Variants in SH3KBP1 observed in about 807,000 individuals in gnomAD.
SH3KBP1 encodes the protein SH3 domain containing kinase binding protein 1.
In SH3KBP1, 8 loss-of-function variants were observed where a neutral mutation model predicts 50.1. The ratio of observed to expected loss-of-function variants is 0.16; its 90% CI spans 0.09 to 0.29. SH3KBP1 has a LOEUF of 0.29. Among genes scored for constraint, SH3KBP1 ranks in the 10% least tolerant of loss-of-function variants. The probability of loss-of-function intolerance (pLI) is 1.00; values close to 1 mark genes in which losing one functional copy is unlikely to be tolerated. For synonymous variants in SH3KBP1, 227 were observed against 218.6 expected, an observed-to-expected ratio of 1.04 and a Z score of -0.34; for missense variants, 377 against 535.2, an observed-to-expected ratio of 0.70 and a Z score of 2.92.
At chrX:19,786,832 G>A (rs2066362295) in intron 2 of SH3KBP1, among the ~76,000 whole-genome samples, 1 of 111,671 alleles carries the variant, frequency 9.0e-6, no homozygotes, top group Non-Finnish European at 1.9e-5. Flanking sequence ...ATATTTGGAA[G>A]GTCCACAGCG....
intron 2 of SH3KBP1, among the ~76,000 whole-genome samples, chrX:19,816,871 C>G (rs977584089): frequency 9.0e-6 from 1 of 111,719 alleles, no homozygotes; most frequent in African/African-American, 3.3e-5. Flanking sequence ...AAATGTTTGC[C>G]TATGTTTAAT....
intron 1 of SH3KBP1, among the ~76,000 whole-genome samples, chrX:19,854,970 T>C (rs976173050): frequency 8.9e-6 from 1 of 111,871 alleles, no homozygotes; most frequent in Non-Finnish European, 1.9e-5. Flanking sequence ...AAGGAGTTGG[T>C]AAGCTTTTTC....
At chrX:19,675,272 G>C (rs2062899472) in intron 6 of SH3KBP1, among the ~76,000 whole-genome samples, 1 of 110,652 alleles carries the variant, frequency 9.0e-6, no homozygotes, top group African/African-American at 3.3e-5. Flanking sequence ...CAACCCTCTG[G>C]GGTAGATTCT....
chrX:19,678,355 T>G, intron 6 of SH3KBP1, among the ~76,000 whole-genome samples: 1 of 110,411 alleles, frequency 9.1e-6, no homozygotes, highest in East Asian at 2.8e-4. Context: ...GGAGGTTTTT[T>G]TTTTTTTTTA....
At chrX:19,786,668 C>T (rs1182897438) in intron 2 of SH3KBP1, among the ~76,000 whole-genome samples, 1 of 111,913 alleles carries the variant, frequency 8.9e-6, no homozygotes, top group East Asian at 2.8e-4. Context: ...CACAAACATC[C>T]CCACACAGAA....
rs564208446 is a variant in SH3KBP1, at chrX:19,841,808, G to A, written c.5-5526C>T. Among the ~76,000 whole-genome samples the A allele has an allele frequency of 6.3e-4, 66 of 104,443 alleles. 1 individual carries two copies. The South Asian group carries it at 0.027, about 43-fold the overall frequency. The allele number at this position is 104,443 out of a possible 115,157, so 90.7% of individuals were successfully genotyped here. A position where few individuals can be genotyped will look rare whatever the true frequency, so the allele number is the denominator to read the frequency against. ...ATGGCAGCATCAAGCCCAGGGCTAC[G>A]TTCTCCTAAATTATGGTCCACTGGA... is the stretch of plus-strand genomic sequence containing the variant. On this transcript the variant is annotated intron_variant, in intron 1 of 17. Coordinates refer to ENST00000397821, the MANE Select transcript of SH3KBP1 (RefSeq NM_031892.3).
chrX:19,771,077 A>T (rs923577082), intron 2 of SH3KBP1, among the ~76,000 whole-genome samples: 7 of 111,672 alleles, frequency 6.3e-5, no homozygotes, highest in Non-Finnish European at 1.1e-4. Context: ...CTTCTCCTAC[A>T]TTACTGTGAG....
chrX:19,800,197 C>A, intron 2 of SH3KBP1, among the ~76,000 whole-genome samples: 1 of 112,298 alleles, frequency 8.9e-6, no homozygotes, highest in South Asian at 3.7e-4. Context: ...TACATGTGGA[C>A]AAACCTCGCC....
chrX:19,556,895 C>T (rs771491774), intron 13 of SH3KBP1, among the ~76,000 whole-genome samples: 8 of 111,329 alleles, frequency 7.2e-5, no homozygotes, highest in Non-Finnish European at 1.3e-4. Flanking sequence ...TGATCTCATA[C>T]TCCTGGCCTC....
chrX:19,758,347 A>T (rs1320647301), intron 2 of SH3KBP1, among the ~76,000 whole-genome samples: 1 of 102,974 alleles, frequency 9.7e-6, no homozygotes, highest in East Asian at 2.8e-4. Context: ...AAAAAAAAAA[A>T]AAAAAGATTC....
intron 2 of SH3KBP1, among the ~76,000 whole-genome samples, chrX:19,806,458 C>T (rs977677655): frequency 1.8e-5 from 2 of 111,316 alleles, no homozygotes; most frequent in African/African-American, 6.5e-5. Flanking sequence ...GGAGGTTGCA[C>T]TGAGCCGAGT....
At chrX:19,679,894 T>C (rs932668440) in intron 6 of SH3KBP1, among the ~76,000 whole-genome samples, 2 of 112,459 alleles carry the variant, frequency 1.8e-5, no homozygotes, top group Non-Finnish European at 3.8e-5. Context: ...GAATCCTTCC[T>C]TATAGCCTGA....
intron 6 of SH3KBP1, among the ~76,000 whole-genome samples, chrX:19,657,716 G>C (rs914789180): frequency 9.2e-6 from 1 of 108,809 alleles, no homozygotes; most frequent in African/African-American, 3.4e-5. Flanking sequence ...AACAGAGCGA[G>C]ACTCCATCTA....
Position 19,800,023 on chromosome X carries a change from CAG to C in SH3KBP1, c.162+36100_162+36101del, listed in dbSNP as rs760237846. Among the ~76,000 whole-genome samples the C allele has an allele frequency of 4.5e-5, 5 of 111,787 alleles. No individual in the cohort carries two copies. The East Asian group carries it at 1.1e-3, about 25-fold the overall frequency. On this transcript the variant is annotated intron_variant, in intron 2 of 17. Transcript: ENST00000397821. ...CAGAGAGGAGAGAGCTGGAGAACCG[CAG>C]AGTCTGCAGTAACAGCAAAATGGAG... is the stretch of plus-strand genomic sequence containing the variant.
intron 3 of SH3KBP1, among the ~76,000 whole-genome samples, chrX:19,714,805 T>C (rs761633794): frequency 6.2e-5 from 7 of 112,344 alleles, no homozygotes; most frequent in African/African-American, 2.3e-4. Context: ...TTGAGAAAAC[T>C]GGGGAAATTT....
chrX:19,792,478 C>T (rs752878254), intron 2 of SH3KBP1, among the ~76,000 whole-genome samples: 1 of 110,798 alleles, frequency 9.0e-6, no homozygotes, highest in East Asian at 2.8e-4. Context: ...AAAATGTTGG[C>T]TATCTTATCC....
chrX:19,608,297 T>C (rs1249851284), intron 8 of SH3KBP1, among the ~76,000 whole-genome samples: 1 of 101,036 alleles, frequency 9.9e-6, no homozygotes, highest in Non-Finnish European at 1.9e-5. Flanking sequence ...CTTTTACCTT[T>C]CTTTCTTTCT....
chrX:19,854,925 T>C (rs2068605023), intron 1 of SH3KBP1, among the ~76,000 whole-genome samples: 1 of 112,189 alleles, frequency 8.9e-6, no homozygotes, highest in Non-Finnish European at 1.9e-5. Context: ...CCTCATACAC[T>C]GCTTTGTAAC....
At chrX:19,607,893 C>A in intron 9 of SH3KBP1, 45 bp downstream of exon 9, 4 of 1,095,058 alleles carry the variant, frequency 3.7e-6, no homozygotes, top group Non-Finnish European at 5.1e-6. Context: ...CAAGTCCCAA[C>A]ATGGGAGCCA....
Sources: gnomAD v4.1 joint callset for allele counts (sites outside exome capture counted in the v4.1 genomes callset) on GRCh38, gnomAD v4.1.1 for gene constraint, MANE v1.5 for transcripts, NCBI Gene and HGNC (gene_info 2026-07-23, HGNC 2026-07-21) for gene names.